Variants in SLCO3A1 observed in about 807,000 individuals in gnomAD.
The protein encoded by SLCO3A1 is solute carrier organic anion transporter family member 3A1, also known as PGE1 transporter.
Under a neutral mutation model 63.1 loss-of-function variants are expected in SLCO3A1, and 27 were observed. The ratio of observed to expected loss-of-function variants is 0.43; its 90% confidence interval spans 0.32 to 0.59. SLCO3A1 has a LOEUF of 0.59. SLCO3A1 is among the 20% of genes least tolerant of loss of function. The pLI, the probability that SLCO3A1 is intolerant of heterozygous loss-of-function variation, is 0.09. For missense variants in SLCO3A1, 773 were observed against 945.8 expected, an observed-to-expected ratio of 0.82 and a Z score of 2.40; for synonymous variants, 473 against 409.9, an observed-to-expected ratio of 1.15 and a Z score of -1.86.
At chr15:91,955,394 G>A (rs977490474) in intron 2 of SLCO3A1, among the ~76,000 whole-genome samples, 9 of 151,472 alleles carry the variant, frequency 5.9e-5, no homozygotes, top group African/African-American at 1.7e-4. Flanking sequence ...GTGCAATGGC[G>A]TGGTTTCAGC....
intron 3 of SLCO3A1, among the ~76,000 whole-genome samples, chr15:92,101,519 A>G (rs1355511279): frequency 6.6e-6 from 1 of 152,146 alleles, no homozygotes; most frequent in Non-Finnish European, 1.5e-5. Flanking sequence ...AAAGAAAAAA[A>G]AAAATTAGTA....
In SLCO3A1 at chr15:92,047,584, TATATATATAATATATAATATATATATA is replaced by T. The variant is rs1327258000; in HGVS notation, c.647-47289_647-47263del. On this transcript the variant is annotated intron_variant, in intron 2 of 9. Transcript: ENST00000318445. ...AATATATATATAAATATATATATAA[TATATATATAATATATAATATATATATA>T]ATATATAAATATATATATAAATATA... Among the ~76,000 whole-genome samples the T allele has an allele frequency of 2.0e-4, 2 of 9,886 alleles. 1 individual carries two copies. Among genetic ancestry groups the T allele is most frequent in the African/African-American group, 5.4e-4 (2 of 3,702 alleles). 6.5% of individuals were successfully genotyped at this position (9,886 alleles called of 152,430 possible).
Position 92,163,962 on chromosome 15 carries a change from G to A in SLCO3A1, c.*827G>A, listed in dbSNP as rs753819114. On this transcript the variant is annotated 3_prime_UTR_variant, in exon 10 of 10. Coordinates refer to ENST00000318445, the MANE Select transcript of SLCO3A1 (RefSeq NM_013272.4). ...GGCCTCGCCTGGCTATGACTGACCCGGCTCAGAGCTGGTGAGACCCAACGC... is the reference window on the plus strand; with the variant it reads ...GGCCTCGCCTGGCTATGACTGACCCAGCTCAGAGCTGGTGAGACCCAACGC... 1.8e-5 allele frequency: 18 copies of A among 985,300 alleles called. No individual in the cohort carries two copies. The highest frequency in any genetic ancestry group is 5.2e-5 in the African/African-American group (3 of 57,204). The allele number at this position is 985,300 out of a possible 1,614,324, so 61.0% of individuals were successfully genotyped here.
At chr15:92,125,987 G>T (rs2047916890) in intron 5 of SLCO3A1, 74 bp from the exon 6 acceptor site, 2 of 1,326,304 alleles carry the variant, frequency 1.5e-6, no homozygotes, top group African/African-American at 2.9e-5. Context: ...TCAGCCTCAG[G>T]CCTGCTGCCC....
At position 92,165,552 on chromosome 15, in the gene SLCO3A1, T is replaced by C. The variant is rs940626362; in HGVS notation, c.*2417T>C. On this transcript the variant is annotated 3_prime_UTR_variant, in exon 10 of 10. Coordinates refer to ENST00000318445, the MANE Select transcript of SLCO3A1 (RefSeq NM_013272.4). Reference sequence around the variant, plus strand: ...AACTCTTTGCATTTTGGATTTTTTTTCCTAAGATTTTAGGATGAATGTGAA... The same window carrying C: ...AACTCTTTGCATTTTGGATTTTTTTCCCTAAGATTTTAGGATGAATGTGAA... 4.5e-5 allele frequency: 44 copies of C among 984,826 alleles called. No individual in the cohort carries two copies. Among genetic ancestry groups the C allele is most frequent in the African/African-American group, 7.0e-5 (4 of 57,214 alleles). The allele number at this position is 984,826 out of a possible 1,614,324, so 61.0% of individuals were successfully genotyped here. A position where few individuals can be genotyped will look rare whatever the true frequency, so the allele number is the denominator to read the frequency against.
chr15:92,123,000 C>T (rs2047881063), intron 5 of SLCO3A1, among the ~76,000 whole-genome samples: 1 of 152,202 alleles, frequency 6.6e-6, no homozygotes, highest in African/African-American at 2.4e-5. Flanking sequence ...ACCAGGGAGC[C>T]TCCTGAGCTG....
intron 2 of SLCO3A1, among the ~76,000 whole-genome samples, chr15:91,969,323 T>G (rs74670938): frequency 2.0e-5 from 3 of 151,890 alleles, no homozygotes; most frequent in African/African-American, 7.2e-5. Flanking sequence ...TTTTTTTTTT[T>G]GAGATGAATT....
At chr15:92,028,770 A>T in intron 2 of SLCO3A1, among the ~76,000 whole-genome samples, 1 of 152,336 alleles carries the variant, frequency 6.6e-6, no homozygotes, top group East Asian at 1.9e-4. Flanking sequence ...TTTTTCCATT[A>T]GATCCGAAGC....
At chr15:92,058,807 C>A (rs931797099) in intron 2 of SLCO3A1, among the ~76,000 whole-genome samples, 15 of 152,122 alleles carry the variant, frequency 9.9e-5, no homozygotes, top group African/African-American at 3.6e-4. Context: ...TCTGTGCCTG[C>A]CCCGCCTGCC....
intron 1 of SLCO3A1, among the ~76,000 whole-genome samples, chr15:91,907,268 G>A (rs1027514509): frequency 2.7e-5 from 4 of 150,798 alleles, no homozygotes; most frequent in African/African-American, 9.8e-5. Context: ...GTGCACTGGT[G>A]CGATCTCAGC....
intron 1 of SLCO3A1, among the ~76,000 whole-genome samples, chr15:91,902,175 T>C (rs1898175088): frequency 6.6e-6 from 1 of 152,318 alleles, no homozygotes; most frequent in South Asian, 2.1e-4. Flanking sequence ...GGTTCCTTTT[T>C]TTAAGAAAAA....
intron 5 of SLCO3A1, among the ~76,000 whole-genome samples, chr15:92,122,885 A>G (rs947334563): frequency 3.9e-5 from 6 of 152,212 alleles, no homozygotes; most frequent in Non-Finnish European, 8.8e-5. Flanking sequence ...AAGACATGAG[A>G]CTCAAAAGAG....
chr15:92,098,863 A>C (rs2047570881), intron 3 of SLCO3A1, among the ~76,000 whole-genome samples: 2 of 152,220 alleles, frequency 1.3e-5, no homozygotes. Flanking sequence ...AGCATTTAGC[A>C]CAGTGCCTGG....
rs199608720 is a variant in SLCO3A1 at position 92,138,455 on chromosome 15, G to C, written c.1513-8529G>C. On this transcript the variant is annotated intron_variant, in intron 7 of 9. Transcript: ENST00000318445. ...TTGGCTTAGGATTGCCTTGGCGATGGGGGCTCTTTTTTGGTTCCATCTGAA... is the reference window on the plus strand; with the variant it reads ...TTGGCTTAGGATTGCCTTGGCGATGCGGGCTCTTTTTTGGTTCCATCTGAA... Among the ~76,000 whole-genome samples, 730 of 100,106 alleles carry C rather than the reference G, an allele frequency of 7.3e-3. 5 individuals carry two copies. The highest frequency in any genetic ancestry group is 0.031 in the East Asian group (83 of 2,640). 65.7% of individuals were successfully genotyped at this position (100,106 alleles called of 152,430 possible). A position where few individuals can be genotyped will look rare whatever the true frequency, so the allele number is the denominator to read the frequency against.
chr15:91,951,576 G>GAC (rs1900002354), intron 2 of SLCO3A1, among the ~76,000 whole-genome samples: 1 of 137,080 alleles, frequency 7.3e-6, no homozygotes. Flanking sequence ...TTTTTTTTGA[G>GAC]ACAGAGTCTC....
At chr15:91,996,943 A>T (rs1457973219) in intron 2 of SLCO3A1, among the ~76,000 whole-genome samples, 1 of 152,214 alleles carries the variant, frequency 6.6e-6, no homozygotes, top group African/African-American at 2.4e-5. Flanking sequence ...ACTGGATTGC[A>T]TTAAAATTAT....
intron 2 of SLCO3A1, among the ~76,000 whole-genome samples, chr15:92,055,210 C>G (rs1157315317): frequency 1.3e-5 from 2 of 152,114 alleles, no homozygotes; most frequent in African/African-American, 4.8e-5. Flanking sequence ...TGATGTTGAG[C>G]TTTTTTTCAT....
At chr15:92,017,292 G>T (rs78764619) in intron 2 of SLCO3A1, among the ~76,000 whole-genome samples, 5,727 of 152,086 alleles carry the variant, frequency 0.038, 151 homozygotes, top group Non-Finnish European at 0.06. Context: ...GATTGGGGGG[G>T]GGTAGGGAAA....
At position 92,165,028 on chromosome 15, in the gene SLCO3A1, G is replaced by C. The variant is rs1332753868; in HGVS notation, c.*1893G>C. On this transcript the variant is annotated 3_prime_UTR_variant, in exon 10 of 10. Transcript: ENST00000318445. ...CATTTTACCCACAAGGCAAACAAAAGAATCAGGAAGTAAAAAATGGTTGGG... is the reference window on the plus strand; with the variant it reads ...CATTTTACCCACAAGGCAAACAAAACAATCAGGAAGTAAAAAATGGTTGGG... 1.0e-6 allele frequency: 1 copy of C among 985,254 alleles called. No homozygotes were observed. Among genetic ancestry groups the C allele is most frequent in the Non-Finnish European group, 1.2e-6 (1 of 829,888 alleles). The allele number at this position is 985,254 out of a possible 1,614,324, so 61.0% of individuals were successfully genotyped here. A position where few individuals can be genotyped will look rare whatever the true frequency, so the allele number is the denominator to read the frequency against.
Sources: allele counts gnomAD v4.1 joint callset (sites outside exome capture counted in the v4.1 genomes callset), GRCh38; gene constraint gnomAD v4.1.1; transcripts MANE v1.5; gene names NCBI Gene and HGNC (gene_info 2026-07-23, HGNC 2026-07-21).